CNGB3: variants seen among roughly 807,000 people sequenced by gnomAD.
CNGB3 encodes the protein cyclic nucleotide gated channel subunit beta 3, also known as cyclic nucleotide-gated channel beta-3.
Under a neutral mutation model 92.8 loss-of-function variants are expected in CNGB3, and 86 were observed. That is an observed-to-expected ratio of 0.93 (90% CI 0.78 to 1.11). The LOEUF (loss-of-function observed/expected upper bound fraction) is 1.11. Ranked by LOEUF, CNGB3 falls within the 50% of genes least tolerant of loss-of-function variation. The pLI is 0.00. For synonymous variants in CNGB3, 333 were observed against 332.7 expected, an observed-to-expected ratio of 1.00 and a Z score of -0.01; for missense variants, 1,026 against 956.8, an observed-to-expected ratio of 1.07 and a Z score of -0.95.
At chr8:86,715,785 T>C (rs1316262933) in intron 3 of CNGB3, among the ~76,000 whole-genome samples, 1 of 125,152 alleles carries the variant, frequency 8.0e-6, no homozygotes, top group Non-Finnish European at 1.6e-5. Flanking sequence ...TGAGAACACA[T>C]GGACACAGGA....
intron 6 of CNGB3, among the ~76,000 whole-genome samples, chr8:86,656,780 A>G (rs1309300534): frequency 6.6e-6 from 1 of 152,174 alleles, no homozygotes; most frequent in Non-Finnish European, 1.5e-5. Flanking sequence ...CAAAATAAAC[A>G]GAAGTTGCAT....
chr8:86,599,895 A>G (rs976562240), intron 15 of CNGB3, among the ~76,000 whole-genome samples: 1 of 152,140 alleles, frequency 6.6e-6, no homozygotes, highest in African/African-American at 2.4e-5. Context: ...CTTGTGAAGC[A>G]TGTGATCTCT....
chr8:86,718,354 G>A (rs1427314283), intron 3 of CNGB3, among the ~76,000 whole-genome samples: 1 of 152,078 alleles, frequency 6.6e-6, no homozygotes, highest in Non-Finnish European at 1.5e-5. Context: ...TGATACCACA[G>A]AAATACAAAA....
chr8:86,590,252 T>C (rs1235865728), intron 15 of CNGB3, among the ~76,000 whole-genome samples: 2 of 151,986 alleles, frequency 1.3e-5, no homozygotes, highest in Non-Finnish European at 2.9e-5. Flanking sequence ...TGAGATGGGT[T>C]TCCTGAATAC....
At chr8:86,715,752 TATA>T (rs1202807887) in intron 3 of CNGB3, among the ~76,000 whole-genome samples, 2 of 139,142 alleles carry the variant, frequency 1.4e-5, no homozygotes, top group Non-Finnish European at 3.0e-5. Context: ...AAAAACATGA[TATA>T]GGATATAAAA....
intron 15 of CNGB3, among the ~76,000 whole-genome samples, chr8:86,603,819 T>C (rs1395566815): frequency 1.3e-5 from 2 of 152,232 alleles, no homozygotes; most frequent in Non-Finnish European, 1.5e-5. Context: ...TCTCATTTAC[T>C]AATTCATTTG....
chr8:86,609,632 C>A (rs116911070), intron 14 of CNGB3, among the ~76,000 whole-genome samples: 51 of 152,282 alleles, frequency 3.3e-4, no homozygotes, highest in African/African-American at 1.2e-3. Flanking sequence ...TCCCAGTAAA[C>A]CCCAGTTCCA....
intron 13 of CNGB3, among the ~76,000 whole-genome samples, chr8:86,625,537 T>G (rs1465665600): frequency 1.3e-5 from 2 of 152,168 alleles, no homozygotes; most frequent in African/African-American, 4.8e-5. Context: ...AATTAAAATT[T>G]GGCCATTTTA....
intron 6 of CNGB3, among the ~76,000 whole-genome samples, chr8:86,664,063 A>G (rs959393393): frequency 6.6e-6 from 1 of 152,144 alleles, no homozygotes; most frequent in East Asian, 1.9e-4. Flanking sequence ...TTATTTGTAC[A>G]CCGTCATCAC....
chr8:86,705,568 C>T (rs1282947888), intron 3 of CNGB3, among the ~76,000 whole-genome samples: 1 of 151,818 alleles, frequency 6.6e-6, no homozygotes, highest in Non-Finnish European at 1.5e-5. Flanking sequence ...CCCTAAAAAC[C>T]AAAAATATTC....
At chr8:86,710,095 A>C (rs1824723513) in intron 3 of CNGB3, among the ~76,000 whole-genome samples, 1 of 152,166 alleles carries the variant, frequency 6.6e-6, no homozygotes, top group Non-Finnish European at 1.5e-5. Flanking sequence ...TTTCTTGTAA[A>C]GGAAGGAGAC....
chr8:86,640,514 G>A (rs1823162266), intron 10 of CNGB3, among the ~76,000 whole-genome samples: 1 of 152,028 alleles, frequency 6.6e-6, no homozygotes, highest in Non-Finnish European at 1.5e-5. Context: ...CCTTTAGAGG[G>A]AAAGTAACTT....
chr8:86,689,648 A>G (rs1438438110), intron 3 of CNGB3, among the ~76,000 whole-genome samples: 2 of 151,396 alleles, frequency 1.3e-5, no homozygotes, highest in Admixed American at 6.6e-5. Context: ...TGCCATGTTG[A>G]TGTGCTGCAC....
intron 15 of CNGB3, among the ~76,000 whole-genome samples, chr8:86,589,768 C>G (rs1821985092): frequency 6.6e-6 from 1 of 151,548 alleles, no homozygotes; most frequent in Non-Finnish European, 1.5e-5. Flanking sequence ...AGTATGTGGT[C>G]AATTTTGGAA....
intron 6 of CNGB3, chr8:86,657,553 T>G: frequency 2.1e-6 from 1 of 474,738 alleles, no homozygotes; most frequent in Non-Finnish European, 4.3e-6. Flanking sequence ...CCTCTTCTTG[T>G]GCAGGCTCCA....
At chr8:86,703,633 C>T (rs1824596611) in intron 3 of CNGB3, among the ~76,000 whole-genome samples, 1 of 152,178 alleles carries the variant, frequency 6.6e-6, no homozygotes, top group Non-Finnish European at 1.5e-5. Flanking sequence ...CTGATTGCTA[C>T]TGTGCCTCTT....
At chr8:86,741,187 A>G (rs750677339) in intron 1 of CNGB3, among the ~76,000 whole-genome samples, 2 of 152,218 alleles carry the variant, frequency 1.3e-5, no homozygotes, top group African/African-American at 2.4e-5. Context: ...ATTTATTCAT[A>G]GTTCAGAGGC....
chr8:86,704,313 A>T (rs1391954566), intron 3 of CNGB3: 1 of 152,244 alleles, frequency 6.6e-6, no homozygotes, highest in Non-Finnish European at 1.5e-5. Context: ...AAGAGGAGAG[A>T]TCGTGTTGCT....
chr8:86,587,239 C>T (rs1397796573), intron 15 of CNGB3, among the ~76,000 whole-genome samples: 5 of 150,426 alleles, frequency 3.3e-5, no homozygotes, highest in African/African-American at 1.2e-4. Context: ...GGATATTAGC[C>T]CTTTGTCAGA....
Sources: allele counts gnomAD v4.1 joint callset (sites outside exome capture counted in the v4.1 genomes callset), GRCh38; gene constraint gnomAD v4.1.1; transcripts MANE v1.5; gene names NCBI Gene and HGNC (gene_info 2026-07-23, HGNC 2026-07-21).